SLC25A51: variants seen among roughly 807,000 people sequenced by gnomAD.
SLC25A51 encodes the protein solute carrier family 25 member 51, also known as mitochondrial nicotinamide adenine dinucleotide transporter SLC25A51.
Under a neutral mutation model 19.1 loss-of-function variants are expected in SLC25A51, and 11 were observed. The observed-to-expected ratio is 0.58, with a 90% confidence interval of 0.36 to 0.96. SLC25A51 has a LOEUF of 0.96. Ranked by LOEUF, SLC25A51 falls within the 40% of genes least tolerant of loss-of-function variation. SLC25A51 has a pLI of 0.01. For synonymous variants in SLC25A51, 105 were observed against 133.6 expected, an observed-to-expected ratio of 0.79 and a Z score of 1.47; for missense variants, 201 against 365.4, an observed-to-expected ratio of 0.55 and a Z score of 3.67.
intron 1 of SLC25A51, among the ~76,000 whole-genome samples, chr9:37,901,855 A>C (rs1831856156): frequency 6.6e-6 from 1 of 152,172 alleles, no homozygotes; most frequent in Non-Finnish European, 1.5e-5. Flanking sequence ...GATTCAGCTG[A>C]TAGGTATGAG....
chr9:37,892,982 C>T (rs1170771414), intron 2 of SLC25A51, among the ~76,000 whole-genome samples: 3 of 152,060 alleles, frequency 2.0e-5, no homozygotes, highest in Admixed American at 1.3e-4. Context: ...TCAGGTGATC[C>T]GCCCGCCTTG....
chr9:37,886,892 G>A (rs1444268492), downstream of SLC25A51, among the ~76,000 whole-genome samples: 3 of 151,978 alleles, frequency 2.0e-5, no homozygotes, highest in Admixed American at 6.6e-5. Flanking sequence ...GGCTGGGCGC[G>A]GTGGCTCACA....
intron 2 of SLC25A51, among the ~76,000 whole-genome samples, chr9:37,896,277 C>T (rs1055567935): frequency 6.6e-6 from 1 of 151,710 alleles, no homozygotes; most frequent in Non-Finnish European, 1.5e-5. Context: ...CCATTCTTTT[C>T]CACAAAGAGC....
chr9:37,897,403 G>C lies in SLC25A51; in HGVS notation c.-43+2426C>G, dbSNP rs149623811. Among the ~76,000 whole-genome samples the C allele has an allele frequency of 2.9e-3, 435 of 151,968 alleles. 10 individuals are homozygous for C. The highest frequency in any genetic ancestry group is 0.028 in the Admixed American group (420 of 15,248). Reference sequence around the variant, plus strand: ...TTTACTTCCATCAGTTTTCTAACTAGTTTTCGTTTGCATAAGAAAACAACT... The same window carrying C: ...TTTACTTCCATCAGTTTTCTAACTACTTTTCGTTTGCATAAGAAAACAACT... On this transcript the variant is annotated intron_variant, in intron 2 of 2. Coordinates refer to ENST00000242275, the MANE Select transcript of SLC25A51 (RefSeq NM_033412.4).
At chr9:37,883,197 G>C (rs185395464), downstream of SLC25A51, among the ~76,000 whole-genome samples, 461 of 152,346 alleles carry the variant, frequency 3.0e-3, 8 homozygotes, top group Non-Finnish European at 2.8e-3. Flanking sequence ...AAAAGCAATA[G>C]TTAGAATCTC....
chr9:37,897,819 C>T (rs938823679), intron 2 of SLC25A51, among the ~76,000 whole-genome samples: 1 of 152,112 alleles, frequency 6.6e-6, no homozygotes, highest in Non-Finnish European at 1.5e-5. Context: ...CAAGTTTACA[C>T]AGGGAAACAA....
intron 2 of SLC25A51, among the ~76,000 whole-genome samples, chr9:37,897,842 C>T (rs1346333345): frequency 6.6e-6 from 1 of 152,066 alleles, no homozygotes; most frequent in Non-Finnish European, 1.5e-5. Context: ...CATCAAGACA[C>T]AGAAACGTTC....
At chr9:37,895,162 G>A (rs1054618444) in intron 2 of SLC25A51, among the ~76,000 whole-genome samples, 9 of 152,046 alleles carry the variant, frequency 5.9e-5, no homozygotes, top group African/African-American at 2.2e-4. Context: ...TGCAGCAATG[G>A]GCAACCTTGT....
At chr9:37,900,111 G>A (rs1478483481) in intron 1 of SLC25A51, among the ~76,000 whole-genome samples, 161 bp from the exon 2 acceptor site, 1 of 141,886 alleles carries the variant, frequency 7.0e-6, no homozygotes, top group Non-Finnish European at 1.5e-5. Context: ...GTGTTGGGAT[G>A]ACAGGCATGA....
intron 2 of SLC25A51, among the ~76,000 whole-genome samples, chr9:37,890,367 G>A (rs954268859): frequency 1.3e-5 from 2 of 152,138 alleles, no homozygotes; most frequent in Admixed American, 1.3e-4. Flanking sequence ...CTGGGCAACA[G>A]AGCAAGACTC....
intron 2 of SLC25A51, among the ~76,000 whole-genome samples, chr9:37,893,961 C>T (rs936117569): frequency 3.3e-5 from 5 of 152,144 alleles, no homozygotes; most frequent in South Asian, 2.1e-4. Context: ...CTATTCCCTG[C>T]CCTCTTCAAC....
downstream of SLC25A51, among the ~76,000 whole-genome samples, chr9:37,883,076 C>T (rs1831380097): frequency 6.6e-6 from 1 of 152,234 alleles, no homozygotes; most frequent in African/African-American, 2.4e-5. Context: ...AACTTCTGAC[C>T]TCAAGTGATC....
At chr9:37,886,930 G>A (rs769449788), downstream of SLC25A51, among the ~76,000 whole-genome samples, 19 of 151,888 alleles carry the variant, frequency 1.3e-4, no homozygotes, top group Non-Finnish European at 2.8e-4. Flanking sequence ...TTGGGAGGCC[G>A]AGGCGGGTGG....
chr9:37,901,885 C>T (rs1156777779), intron 1 of SLC25A51, among the ~76,000 whole-genome samples: 2 of 152,166 alleles, frequency 1.3e-5, no homozygotes, highest in East Asian at 1.9e-4. Context: ...CTTATTAGTA[C>T]ACTTACAAGC....
In SLC25A51 at chr9:37,887,978, G is replaced by A. The variant is rs1458122274; in HGVS notation, c.573C>T (p.Phe191=). ...GCTCCTTAATGGGACCTCGAAGGCC[G>A]AAAAACAAGACATTGCTGAGTCCAT... ...FRNGLSNVLF[F]GLRGPIKEHL... Residue 191 remains phenylalanine (F), a synonymous_variant, in exon 3 of 3, where the codon TTC becomes TTT. Transcript: ENST00000242275. 13 of 1,612,034 alleles carry A rather than the reference G, an allele frequency of 8.1e-6. No homozygotes were observed. The highest frequency in any genetic ancestry group is 5.5e-5 in the South Asian group (5 of 90,988).
At chr9:37,890,752 CA>C (rs1335911384) in intron 2 of SLC25A51, among the ~76,000 whole-genome samples, 2 of 151,632 alleles carry the variant, frequency 1.3e-5, no homozygotes, top group African/African-American at 2.4e-5. Context: ...ATAACCAAAA[CA>C]ATTGAAAGCG....
chr9:37,884,607 G>A (rs140129978), downstream of SLC25A51, among the ~76,000 whole-genome samples: 102 of 152,212 alleles, frequency 6.7e-4, no homozygotes, highest in African/African-American at 2.1e-3. Context: ...AAATGTTATG[G>A]AAGTGTTTAT....
Position 37,887,733 on chromosome 9 carries a change from T to C in SLC25A51, c.818A>G (p.His273Arg). 1 of 1,613,932 alleles carries C rather than the reference T, an allele frequency of 6.2e-7. No individual in the cohort carries two copies. Among genetic ancestry groups the C allele is most frequent in the Admixed American group, 1.7e-5 (1 of 60,002 alleles). The stretch of plus-strand genomic sequence containing the variant: ...GATGAGGGACCGATGGTAATTCAGA[T>C]GGGCACCTCTGAAAAGATTTATCAG... ...RKLINLFRGA[H>R]LNYHRSLISW... The change falls in exon 3 of 3, where the codon CAT becomes CGT. Residue 273 changes from histidine to arginine, a missense_variant. Physicochemically the swap from His to Arg is conservative, Grantham distance 29. Coordinates refer to ENST00000242275, the MANE Select transcript of SLC25A51 (RefSeq NM_033412.4).
downstream of SLC25A51, among the ~76,000 whole-genome samples, chr9:37,886,846 G>A (rs1831467519): frequency 6.6e-6 from 1 of 152,166 alleles, no homozygotes; most frequent in Non-Finnish European, 1.5e-5. Context: ...AAGCCCTTCT[G>A]GCTTGGTTTA....
Sources: gnomAD v4.1 joint callset for allele counts (sites outside exome capture counted in the v4.1 genomes callset) on GRCh38, gnomAD v4.1.1 for gene constraint, MANE v1.5 for transcripts, NCBI Gene and HGNC (gene_info 2026-07-23, HGNC 2026-07-21) for gene names.